The following MACROD1 variants were observed in gnomAD, a reference collection of about 807,000 sequenced individuals.
MACROD1 encodes the protein ADP-ribose glycohydrolase MACROD1.
MACROD1 carries 31 observed loss-of-function variants against 41.4 expected under a neutral mutation model. That is an observed-to-expected ratio of 0.75 (90% CI 0.56 to 1.01). MACROD1 has a LOEUF of 1.01. Ranked by LOEUF, MACROD1 falls within the 50% of genes least tolerant of loss-of-function variation. MACROD1 has a pLI of 0.00. For synonymous variants in MACROD1, 252 were observed against 203.4 expected, an observed-to-expected ratio of 1.24 and a Z score of -2.03; for missense variants, 473 against 460.0, an observed-to-expected ratio of 1.03 and a Z score of -0.26.
At chr11:64,117,708 A>G (rs1261032867) in intron 3 of MACROD1, 1 of 1,613,658 alleles carries the variant, frequency 6.2e-7, no homozygotes, top group Non-Finnish European at 8.5e-7. Flanking sequence ...GGGCTCCATC[A>G]CGGAGACCTT....
At chr11:64,049,605 C>T (rs571781672) in intron 3 of MACROD1, among the ~76,000 whole-genome samples, 2 of 152,348 alleles carry the variant, frequency 1.3e-5, no homozygotes, top group African/African-American at 4.8e-5. Flanking sequence ...TGCTGACTCC[C>T]GCACAGACAT....
intron 3 of MACROD1, among the ~76,000 whole-genome samples, chr11:64,109,677 A>G (rs1314348389): frequency 1.3e-5 from 2 of 151,994 alleles, no homozygotes; most frequent in African/African-American, 2.4e-5. Flanking sequence ...AGGGCCTCCC[A>G]TGGGAGGCTG....
intron 3 of MACROD1, among the ~76,000 whole-genome samples, chr11:64,098,932 G>A (rs1374393153): frequency 6.6e-6 from 1 of 152,236 alleles, no homozygotes; most frequent in African/African-American, 2.4e-5. Context: ...AGGTTGAAAT[G>A]AAACAGGAGG....
In MACROD1 at chr11:64,096,771, G is replaced by A. The variant is rs1348209766; in HGVS notation, c.517+54468C>T. On this transcript the variant is annotated intron_variant, in intron 3 of 10. Transcript: ENST00000255681. The surrounding 1 kb of genome is among the most constrained non-coding windows in gnomAD (Gnocchi z 4.6). ...TGTGAAGGGGCAGGCTCTGGCCGCA[G>A]TGCCCCTCCCTGAGGGGAAGAGGGC... Among the ~76,000 whole-genome samples, 1 of 152,186 alleles carries A rather than the reference G, an allele frequency of 6.6e-6. No homozygotes were observed. The highest frequency in any genetic ancestry group is 1.5e-5 in the Non-Finnish European group (1 of 68,030).
intron 3 of MACROD1, among the ~76,000 whole-genome samples, chr11:64,044,385 C>T (rs1273040471): frequency 2.0e-5 from 3 of 151,782 alleles, no homozygotes; most frequent in Non-Finnish European, 1.5e-5. Context: ...CCGAATAGCT[C>T]GGACTACAGG....
intron 3 of MACROD1, among the ~76,000 whole-genome samples, chr11:64,029,364 G>A (rs1330520539): frequency 2.0e-5 from 3 of 152,160 alleles, no homozygotes; most frequent in Non-Finnish European, 4.4e-5. Context: ...ACAGTGACGG[G>A]GTGGGGGGAT....
intron 1 of MACROD1, among the ~76,000 whole-genome samples, chr11:64,158,663 CA>C (rs2134725795): frequency 6.6e-6 from 1 of 152,306 alleles, no homozygotes; most frequent in South Asian, 2.1e-4. Flanking sequence ...CCACATCTGA[CA>C]ACAATGTCCC....
intron 3 of MACROD1, among the ~76,000 whole-genome samples, chr11:64,076,785 C>T (rs1371132511): frequency 6.6e-6 from 1 of 152,182 alleles, no homozygotes; most frequent in South Asian, 2.1e-4. Context: ...AAGGTGGGAC[C>T]CAGGCTCTGG....
At chr11:64,008,077 G>A (rs182471035) in intron 4 of MACROD1, among the ~76,000 whole-genome samples, 1 of 152,226 alleles carries the variant, frequency 6.6e-6, no homozygotes, top group Non-Finnish European at 1.5e-5. Flanking sequence ...CTTGTGAGCC[G>A]GGCAGGAGTC....
intron 3 of MACROD1, among the ~76,000 whole-genome samples, chr11:64,053,904 TC>T (rs553073306): frequency 6.6e-6 from 1 of 151,626 alleles, no homozygotes; most frequent in Admixed American, 6.6e-5. Flanking sequence ...GCTTCCGTCA[TC>T]CCCCCCACCA....
At chr11:64,105,273 A>C (rs1944739918) in intron 3 of MACROD1, among the ~76,000 whole-genome samples, 1 of 151,998 alleles carries the variant, frequency 6.6e-6, no homozygotes, top group African/African-American at 2.4e-5. Context: ...TCTAGTCCCT[A>C]GGAGGGCTCG....
chr11:64,136,966 T>C (rs1430272519), intron 3 of MACROD1, among the ~76,000 whole-genome samples: 1 of 152,188 alleles, frequency 6.6e-6, no homozygotes, highest in Non-Finnish European at 1.5e-5. Flanking sequence ...AGCATTTGCA[T>C]GGAGAGCTCT....
intron 3 of MACROD1, among the ~76,000 whole-genome samples, chr11:64,051,613 C>T (rs1001777341): frequency 3.3e-5 from 5 of 152,228 alleles, no homozygotes; most frequent in African/African-American, 9.6e-5. Flanking sequence ...ACCGCCATTC[C>T]TGCGTGGAGC....
intron 3 of MACROD1, among the ~76,000 whole-genome samples, chr11:64,106,565 G>A (rs1423120441): frequency 1.3e-5 from 2 of 152,224 alleles, no homozygotes; most frequent in Non-Finnish European, 2.9e-5. Context: ...CTCCTGCCTT[G>A]TCAGGGTTGT....
intron 1 of MACROD1, 45 bp from the exon 2 acceptor site, chr11:64,152,438 G>A (rs748406076): frequency 6.5e-5 from 96 of 1,482,920 alleles, no homozygotes; most frequent in Middle Eastern, 1.8e-4. Context: ...AGAGGAACGG[G>A]CCTGGGGCTT....
At chr11:64,002,324 T>A (rs1942839907) in intron 4 of MACROD1, among the ~76,000 whole-genome samples, 2 of 152,158 alleles carry the variant, frequency 1.3e-5, no homozygotes. Flanking sequence ...GTTTCAGGAA[T>A]TTAATGTTTC....
chr11:64,041,901 C>CAGTGAGT (rs1438986221), intron 3 of MACROD1, among the ~76,000 whole-genome samples: 1 of 152,216 alleles, frequency 6.6e-6, no homozygotes, highest in Non-Finnish European at 1.5e-5. Flanking sequence ...CCAGTTAAAG[C>CAGTGAGT]ACAGGAGTGA....
At chr11:64,155,661 T>C (rs1454442650) in intron 1 of MACROD1, among the ~76,000 whole-genome samples, 2 of 152,140 alleles carry the variant, frequency 1.3e-5, no homozygotes. Flanking sequence ...AACTTTTTTT[T>C]CCAACTTGGG....
rs540450649 is a variant in MACROD1 at position 64,082,860 on chromosome 11, C to G, written c.518-67579G>C. 1 of 152,556 alleles carries G rather than the reference C, an allele frequency of 6.6e-6. No homozygotes were observed. The highest frequency in any genetic ancestry group is 2.4e-5 in the African/African-American group (1 of 41,554). 9.5% of individuals were successfully genotyped at this position (152,556 alleles called of 1,614,324 possible). A position where few individuals can be genotyped will look rare whatever the true frequency, so the allele number is the denominator to read the frequency against. On this transcript the variant is annotated intron_variant, in intron 3 of 10. Transcript: ENST00000255681. The surrounding 1 kb of genome is among the most constrained non-coding windows in gnomAD (Gnocchi z 4.5). Reference sequence around the variant, plus strand: ...ACAGGGCACCAGACACCGAGGTAGGCAGGGCTGTGCCTGCTCCAGCCCAGG... The same window carrying G: ...ACAGGGCACCAGACACCGAGGTAGGGAGGGCTGTGCCTGCTCCAGCCCAGG...
Sources: allele counts gnomAD v4.1 joint callset (sites outside exome capture counted in the v4.1 genomes callset), GRCh38; gene constraint gnomAD v4.1.1; non-coding constraint Gnocchi (gnomAD v3.1); transcripts MANE v1.5; gene names NCBI Gene and HGNC (gene_info 2026-07-23, HGNC 2026-07-21).